Variants in AGMO observed in about 807,000 individuals in gnomAD.
AGMO encodes the protein glyceryl-ether monooxygenase.
AGMO carries 75 observed loss-of-function variants against 60.2 expected under a neutral mutation model. That is an observed-to-expected ratio of 1.25 (90% CI 1.03 to 1.51). AGMO has a LOEUF of 1.51. AGMO is among the 40% of genes most tolerant of loss of function. The pLI is 0.00. For missense variants in AGMO, 763 were observed against 525.5 expected, an observed-to-expected ratio of 1.45 and a Z score of -4.42; for synonymous variants, 261 against 177.1, an observed-to-expected ratio of 1.47 and a Z score of -3.76.
chr7:15,264,867 G>T (rs1023013577), intron 12 of AGMO, among the ~76,000 whole-genome samples: 6 of 152,064 alleles, frequency 3.9e-5, no homozygotes, highest in Non-Finnish European at 8.8e-5. Flanking sequence ...GTGGAAAGCA[G>T]TTTGGACATT....
chr7:15,366,947 G>C (rs1412861004), intron 10 of AGMO, among the ~76,000 whole-genome samples: 3 of 151,968 alleles, frequency 2.0e-5, no homozygotes, highest in Admixed American at 6.6e-5. Context: ...TTTCTAACTT[G>C]CAAATATGCT....
At chr7:15,283,565 G>A (rs1784025205) in intron 12 of AGMO, among the ~76,000 whole-genome samples, 1 of 151,916 alleles carries the variant, frequency 6.6e-6, no homozygotes, top group Non-Finnish European at 1.5e-5. Context: ...CCTAACTCTG[G>A]AGCTGCCAGA....
chr7:15,527,886 GT>G (rs1784166474), intron 3 of AGMO, among the ~76,000 whole-genome samples: 1 of 151,962 alleles, frequency 6.6e-6, no homozygotes, highest in African/African-American at 2.4e-5. Flanking sequence ...TTACAGCATG[GT>G]TTGCTGACTA....
At chr7:15,224,384 T>A (rs537987084) in intron 12 of AGMO, among the ~76,000 whole-genome samples, 63 of 152,048 alleles carry the variant, frequency 4.1e-4, no homozygotes, top group Non-Finnish European at 7.5e-4. Flanking sequence ...AATGTACTTA[T>A]AGAAAGAGAT....
intron 3 of AGMO, among the ~76,000 whole-genome samples, chr7:15,512,268 A>T (rs1187563379): frequency 2.6e-5 from 4 of 152,056 alleles, no homozygotes; most frequent in African/African-American, 7.2e-5. Context: ...TATTATTATC[A>T]TTATTTAGAC....
intron 3 of AGMO, among the ~76,000 whole-genome samples, chr7:15,524,377 A>G (rs1784071770): frequency 6.6e-6 from 1 of 152,158 alleles, no homozygotes; most frequent in Non-Finnish European, 1.5e-5. Flanking sequence ...CGATTTTCAA[A>G]AATGAAGGCT....
At chr7:15,387,304 C>G in intron 9 of AGMO, 102 bp downstream of exon 9, 3 of 1,356,428 alleles carry the variant, frequency 2.2e-6, no homozygotes, top group African/African-American at 1.5e-5. Flanking sequence ...GGGGGAACAT[C>G]TTTTTACAGA....
intron 12 of AGMO, among the ~76,000 whole-genome samples, chr7:15,218,272 T>C (rs1413947487): frequency 6.6e-5 from 10 of 152,012 alleles, no homozygotes; most frequent in African/African-American, 2.2e-4. Flanking sequence ...AATAGAACTA[T>C]ATCTTCCTTC....
Position 15,369,889 on chromosome 7 carries a change from G to T in AGMO, c.1075-3667C>A, listed in dbSNP as rs146156552. ...GCTAATATGTTATTTTGGGAAAACT[G>T]AATCTATTTCATTTTTTACAAATTC... On this transcript the variant is annotated intron_variant, in intron 10 of 12. Transcript: ENST00000342526. Among the ~76,000 whole-genome samples, 157 of 152,204 alleles carry T rather than the reference G, an allele frequency of 1.0e-3. 2 individuals are homozygous for T. In the East Asian group the frequency reaches 0.024, roughly 24 times the overall value.
chr7:15,199,598 G>A (rs767655796), downstream of AGMO, among the ~76,000 whole-genome samples: 7 of 152,084 alleles, frequency 4.6e-5, no homozygotes, highest in African/African-American at 1.4e-4. Context: ...CCACTGAAAA[G>A]TCTCTAGAAT....
In AGMO at chr7:15,531,563, CTATATATTCCATATATATATTCTA is replaced by C. The variant is rs1562557588; in HGVS notation, c.409+13185_409+13208del. Among the ~76,000 whole-genome samples, 32 of 18,450 alleles carry C rather than the reference CTATATATTCCATATATATATTCTA, an allele frequency of 1.7e-3. 4 individuals carry two copies. In the East Asian group the frequency reaches 0.024, roughly 14 times the overall value. 12.1% of individuals were successfully genotyped at this position (18,450 alleles called of 152,430 possible). A position where few individuals can be genotyped will look rare whatever the true frequency, so the allele number is the denominator to read the frequency against. On this transcript the variant is annotated intron_variant, in intron 3 of 12. Transcript: ENST00000342526. ...TATATATATTCTATATATATATTCT[CTATATATTCCATATATATATTCTA>C]TATATATTCTATATATATATTCTAT... is the stretch of plus-strand genomic sequence containing the variant.
chr7:15,363,228 T>C (rs1487104923), intron 12 of AGMO, among the ~76,000 whole-genome samples: 4 of 152,194 alleles, frequency 2.6e-5, no homozygotes, highest in Non-Finnish European at 5.9e-5. Context: ...TTCAACATTG[T>C]TGTTCTTCCC....
intron 12 of AGMO, among the ~76,000 whole-genome samples, chr7:15,297,669 C>A (rs1784443259): frequency 6.6e-6 from 1 of 151,974 alleles, no homozygotes; most frequent in African/African-American, 2.4e-5. Context: ...ACTAGCATAC[C>A]CCCCTTCCTG....
At chr7:15,395,172 A>G (rs908089419) in intron 5 of AGMO, among the ~76,000 whole-genome samples, 1 of 152,212 alleles carries the variant, frequency 6.6e-6, no homozygotes, top group African/African-American at 2.4e-5. Flanking sequence ...CACTGTTATG[A>G]TATTTTAAGA....
intron 12 of AGMO, among the ~76,000 whole-genome samples, chr7:15,283,155 AG>A (rs533154574): frequency 1.3e-5 from 2 of 152,112 alleles, no homozygotes; most frequent in African/African-American, 2.4e-5. Context: ...TAAAACTCAC[AG>A]GGCCCATAAA....
chr7:15,529,257 A>G (rs1028127901), intron 3 of AGMO, among the ~76,000 whole-genome samples: 19 of 151,726 alleles, frequency 1.3e-4, no homozygotes, highest in Non-Finnish European at 2.9e-5. Flanking sequence ...GTTATATTTC[A>G]ACATACATGG....
intron 10 of AGMO, among the ~76,000 whole-genome samples, chr7:15,371,456 T>C (rs1363521647): frequency 6.6e-6 from 1 of 151,926 alleles, no homozygotes; most frequent in Non-Finnish European, 1.5e-5. Context: ...AATGGCGCCA[T>C]CTCGGCTCAC....
chr7:15,523,085 T>G (rs867358394), intron 3 of AGMO, among the ~76,000 whole-genome samples: 14 of 152,092 alleles, frequency 9.2e-5, no homozygotes, highest in African/African-American at 3.1e-4. Context: ...AACAAACATA[T>G]GAAAAACAGT....
intron 12 of AGMO, among the ~76,000 whole-genome samples, chr7:15,305,368 A>G (rs2128528295): frequency 6.6e-6 from 1 of 152,134 alleles, no homozygotes; most frequent in African/African-American, 2.4e-5. Flanking sequence ...TGGAAAAATG[A>G]GGATTGGCAC....
Sources: gnomAD v4.1 joint callset for allele counts (sites outside exome capture counted in the v4.1 genomes callset) on GRCh38, gnomAD v4.1.1 for gene constraint, MANE v1.5 for transcripts, NCBI Gene and HGNC (gene_info 2026-07-23, HGNC 2026-07-21) for gene names.